The following SLC12A3 variants were observed in gnomAD, a reference collection of about 807,000 sequenced individuals.
SLC12A3 encodes solute carrier family 12 member 3.
SLC12A3 carries 104 observed loss-of-function variants against 121.0 expected under a neutral mutation model. That is an observed-to-expected ratio of 0.86 (90% confidence interval 0.73 to 1.01). SLC12A3 has a LOEUF of 1.01. SLC12A3 is among the 50% of genes least tolerant of loss of function. SLC12A3 has a pLI of 0.00. For synonymous variants in SLC12A3, 536 were observed against 533.4 expected (o/e 1.00, Z -0.07); for missense variants, 1,328 against 1,356.3 (o/e 0.98, Z 0.33).
chr16:56,890,652 G>A (rs368043282), intron 19 of SLC12A3, among the ~76,000 whole-genome samples: 144 of 152,120 alleles, frequency 9.5e-4, no homozygotes, highest in African/African-American at 3.2e-3. Flanking sequence ...TAATCCCAGC[G>A]CTTTGGGAGG....
chr16:56,870,351 C>G (rs2055076893), intron 5 of SLC12A3, 116 bp downstream of exon 5: 11 of 1,139,910 alleles, frequency 9.6e-6, no homozygotes, highest in Non-Finnish European at 1.4e-5. Context: ...CCATCAGGAA[C>G]CACAGCCTGA....
rs374303576 is a variant in SLC12A3, at chr16:56,882,392, G to A, written c.1568-4G>A. The A allele has an allele frequency of 3.5e-5, 57 of 1,613,216 alleles. No homozygotes were observed. The highest frequency in any genetic ancestry group is 1.6e-4 in the Middle Eastern group (1 of 6,078). ...CTGTCCTCTCTCTCCCTGGGTCCCC[G>A]AAGCTGAGCTCAACACCATAGCCCC... On this transcript the variant is annotated splice_polypyrimidine_tract_variant and splice_region_variant and intron_variant, in intron 12 of 25. Coordinates refer to ENST00000563236, the MANE Select transcript of SLC12A3 (RefSeq NM_001126108.2).
intron 25 of SLC12A3, among the ~76,000 whole-genome samples, chr16:56,912,636 G>A (rs2055701073): frequency 6.6e-6 from 1 of 152,228 alleles, no homozygotes; most frequent in Admixed American, 6.5e-5. Context: ...ATCAGACTGT[G>A]TTCTAGGCAC....
intron 22 of SLC12A3, among the ~76,000 whole-genome samples, chr16:56,895,715 T>C (rs1284022166): frequency 5.3e-5 from 8 of 151,946 alleles, no homozygotes; most frequent in African/African-American, 1.9e-4. Context: ...GGTTTTGGGA[T>C]GGTTCAAGCT....
At chr16:56,902,828 C>T (rs1247159536) in intron 24 of SLC12A3, among the ~76,000 whole-genome samples, 1 of 152,100 alleles carries the variant, frequency 6.6e-6, no homozygotes, top group Non-Finnish European at 1.5e-5. Context: ...ATTTCTGAGA[C>T]TCATGGTGAC....
intron 19 of SLC12A3, among the ~76,000 whole-genome samples, chr16:56,891,859 C>T (rs776420123): frequency 6.6e-6 from 1 of 152,114 alleles, no homozygotes; most frequent in Non-Finnish European, 1.5e-5. Flanking sequence ...TGGGGATGAA[C>T]GTGGCCTGTT....
At chr16:56,902,655 G>C in intron 24 of SLC12A3, 147 bp downstream of exon 24, 3 of 981,650 alleles carry the variant, frequency 3.1e-6, no homozygotes, top group Non-Finnish European at 4.6e-6. Context: ...AGCCACAGTC[G>C]TTCAGGCTGA....
intron 8 of SLC12A3, among the ~76,000 whole-genome samples, chr16:56,873,805 G>C (rs1156334104): frequency 2.0e-5 from 3 of 151,192 alleles, no homozygotes; most frequent in Admixed American, 2.0e-4. Context: ...TCCGCCTCCC[G>C]GGTTCAAGTG....
intron 24 of SLC12A3, among the ~76,000 whole-genome samples, chr16:56,902,739 C>T (rs140650555): frequency 6.6e-6 from 1 of 151,976 alleles, no homozygotes; most frequent in African/African-American, 2.4e-5. Context: ...CTTGAGTGAG[C>T]TCTGGCAGTG....
Position 56,878,139 on chromosome 16 carries a change from C to T in SLC12A3, c.1158C>T (p.Tyr386=). 1 of 1,592,148 alleles carries T rather than the reference C, an allele frequency of 6.3e-7. No individual in the cohort carries two copies. The highest frequency in any genetic ancestry group is 8.6e-7 in the Non-Finnish European group (1 of 1,166,226). The change falls in exon 9 of 26, where the codon TAC becomes TAT. Residue 386 remains tyrosine, a synonymous_variant. Coordinates refer to ENST00000563236, the MANE Select transcript of SLC12A3 (RefSeq NM_001126108.2). The part of the protein sequence containing the change: ...LMAIFWTTIS[Y]LAISATIGSC... ...CCATTTTCTGGACGACCATTTCCTA[C>T]CTGGCCATCTCAGCCACCATTGGTA...
chr16:56,910,832 AAG>A (rs1413510951), intron 25 of SLC12A3, among the ~76,000 whole-genome samples: 1 of 152,204 alleles, frequency 6.6e-6, no homozygotes, highest in African/African-American at 2.4e-5. Flanking sequence ...CTTTGTGGCT[AAG>A]AGATGTAATT....
At position 56,872,400 on chromosome 16, in the gene SLC12A3, T is replaced by C. The variant is rs1412119374; in HGVS notation, c.902T>C (p.Leu301Ser). The change falls in exon 7 of 26, where the codon TTA becomes TCA. Residue 301 changes from leucine to serine, a missense_variant. Coordinates refer to ENST00000563236, the MANE Select transcript of SLC12A3 (RefSeq NM_001126108.2). Reference sequence around the variant, plus strand: ...ATCATGGTCTCCTTTGCCAACTATTTAGTGGGGACGCTGATCCCCCCATCT... The same window carrying C: ...ATCATGGTCTCCTTTGCCAACTATTCAGTGGGGACGCTGATCCCCCCATCT... ...LVIMVSFANYLVGTLIPPSED... is the reference protein window; with the variant it reads ...LVIMVSFANYSVGTLIPPSED... The C allele has an allele frequency of 1.2e-6, 2 of 1,614,016 alleles. No individual in the cohort carries two copies. The highest frequency in any genetic ancestry group is 2.7e-5 in the African/African-American group (2 of 74,930).
chr16:56,876,470 C>T (rs1438916755), intron 8 of SLC12A3, among the ~76,000 whole-genome samples: 1 of 152,216 alleles, frequency 6.6e-6, no homozygotes, highest in East Asian at 1.9e-4. Context: ...AGGTCCATGC[C>T]TGCAGGGGCC....
intron 5 of SLC12A3, 21 bp downstream of exon 5, chr16:56,870,256 C>A: frequency 6.2e-7 from 1 of 1,610,250 alleles, no homozygotes; most frequent in East Asian, 2.2e-5. Context: ...GGGGCTGGAC[C>A]CTGGGTAGAG....
At chr16:56,876,741 T>G (rs1389248597) in intron 8 of SLC12A3, among the ~76,000 whole-genome samples, 1 of 152,190 alleles carries the variant, frequency 6.6e-6, no homozygotes, top group African/African-American at 2.4e-5. Context: ...ATCTGCTAAC[T>G]GGATGGTGAG....
intron 13 of SLC12A3, among the ~76,000 whole-genome samples, chr16:56,883,420 A>T (rs2144721625): frequency 6.6e-6 from 1 of 150,856 alleles, no homozygotes; most frequent in Non-Finnish European, 1.5e-5. Context: ...AGCTGGGATT[A>T]CAGGCGCCCA....
At chr16:56,904,665 C>A in intron 25 of SLC12A3, 1 of 585,802 alleles carries the variant, frequency 1.7e-6, no homozygotes. Flanking sequence ...CTCCAGCTGG[C>A]AGGGGTCGAG....
chr16:56,885,271 A>G lies in SLC12A3; in HGVS notation c.1832A>G (p.Asn611Ser). The change falls in exon 15 of 26, where the codon AAT becomes AGT. Residue 611 changes from asparagine to serine, a missense_variant. By Grantham distance (46) the Asn-to-Ser change is conservative. Coordinates refer to ENST00000563236, the MANE Select transcript of SLC12A3 (RefSeq NM_001126108.2). ...LYVIYKKPEV[N>S]WGSSVQAGSY... ...TGCTCCCTTGCTCTCCCAGAGGTAA[A>G]TTGGGGCTCCTCGGTACAGGCTGGC... is the stretch of plus-strand genomic sequence containing the variant. 2 of 1,551,536 alleles carry G rather than the reference A, an allele frequency of 1.3e-6. No homozygotes were observed. The highest frequency in any genetic ancestry group is 1.7e-6 in the Non-Finnish European group (2 of 1,146,498).
chr16:56,895,261 G>A (rs933510470), intron 22 of SLC12A3, among the ~76,000 whole-genome samples: 29 of 140,806 alleles, frequency 2.1e-4, no homozygotes, highest in African/African-American at 6.2e-4. Context: ...ACGCAATCTC[G>A]GCTCATTGCA....
Sources: allele counts gnomAD v4.1 joint callset (sites outside exome capture counted in the v4.1 genomes callset), GRCh38; gene constraint gnomAD v4.1.1; transcripts MANE v1.5; gene names NCBI Gene and HGNC (gene_info 2026-07-23, HGNC 2026-07-21).